Variants in RAB27A observed in about 807,000 individuals in gnomAD.
RAB27A encodes the protein ras-related protein Rab-27A.
In RAB27A, 17 loss-of-function variants were observed where a neutral mutation model predicts 20.8. The ratio of observed to expected loss-of-function variants is 0.82; its 90% CI spans 0.56 to 1.23. The LOEUF (loss-of-function observed/expected upper bound fraction) is 1.23, where lower values mean the gene tolerates loss of function less well. RAB27A is among the 50% of genes most tolerant of loss of function. The pLI, the probability that RAB27A is intolerant of heterozygous loss-of-function variation, is 0.00. For missense variants in RAB27A, 277 were observed against 266.7 expected (o/e 1.04, Z -0.27); for synonymous variants, 85 against 92.8 (o/e 0.92, Z 0.48).
At chr15:55,250,562 A>G (rs754826831) in intron 2 of RAB27A, among the ~76,000 whole-genome samples, 1 of 152,250 alleles carries the variant, frequency 6.6e-6, no homozygotes, top group Admixed American at 6.5e-5. Flanking sequence ...GCTCAGGCAC[A>G]TGTTTCAGCA....
chr15:55,219,183 T>C (rs1378167277), intron 6 of RAB27A, among the ~76,000 whole-genome samples: 2 of 152,188 alleles, frequency 1.3e-5, no homozygotes, highest in Non-Finnish European at 2.9e-5. Context: ...AGTGAAGCCC[T>C]TGTCTGCTCA....
chr15:55,265,373 A>G (rs1236913301), intron 2 of RAB27A, among the ~76,000 whole-genome samples: 1 of 152,074 alleles, frequency 6.6e-6, no homozygotes, highest in African/African-American at 2.4e-5. Flanking sequence ...AATCAGAAAA[A>G]CTTCACACAG....
At position 55,241,148 on chromosome 15, in the gene RAB27A, G is replaced by A. The variant is rs186069083; in HGVS notation, c.-22-6192C>T. On this transcript the variant is annotated intron_variant, in intron 2 of 6. Transcript: ENST00000336787. The stretch of plus-strand genomic sequence containing the variant: ...TCCTAGAAGTATAAGAAAGTACATT[G>A]AGCCCCTAAACCAAAAATTAATTTT... Among the ~76,000 whole-genome samples the A allele has an allele frequency of 3.3e-5, 5 of 152,214 alleles. No homozygotes were observed. The East Asian group carries it at 7.7e-4, about 23-fold the overall frequency.
intron 1 of RAB27A, chr15:55,270,854 C>G (rs1195037318): frequency 6.6e-6 from 1 of 152,210 alleles, no homozygotes; most frequent in Non-Finnish European, 1.5e-5. Context: ...ATGTCCCGTA[C>G]TCACCTCCTT....
At position 55,262,267 on chromosome 15, in the gene RAB27A, C is replaced by T. The variant is rs569687065; in HGVS notation, c.-23+7898G>A. On this transcript the variant is annotated intron_variant, in intron 2 of 6. Transcript: ENST00000336787. ...GTCTAATTATAAAAAGTCGGCCAGG[C>T]GCGGTGGCTCATGCATGTAATCCTA... Among the ~76,000 whole-genome samples, 7 of 152,148 alleles carry T rather than the reference C, an allele frequency of 4.6e-5. No individual in the cohort carries two copies. The South Asian group carries it at 8.3e-4, about 18-fold the overall frequency.
At chr15:55,271,975 CTCTT>C (rs1037358021) in intron 1 of RAB27A, among the ~76,000 whole-genome samples, 74 of 152,186 alleles carry the variant, frequency 4.9e-4, no homozygotes, top group African/African-American at 1.6e-3. Context: ...GAAAATGCAC[CTCTT>C]TCTTTTTTAT....
At chr15:55,207,890 C>G (rs1894728495) in intron 6 of RAB27A, among the ~76,000 whole-genome samples, 1 of 152,130 alleles carries the variant, frequency 6.6e-6, no homozygotes, top group Non-Finnish European at 1.5e-5. Context: ...CTCCTGACCT[C>G]AAGTGATCTG....
chr15:55,207,899 T>G (rs1894729202), intron 6 of RAB27A, among the ~76,000 whole-genome samples: 1 of 152,132 alleles, frequency 6.6e-6, no homozygotes, highest in Non-Finnish European at 1.5e-5. Flanking sequence ...TCAAGTGATC[T>G]GTCTGCCTCC....
chr15:55,246,721 G>A (rs906568799), intron 2 of RAB27A, among the ~76,000 whole-genome samples: 10 of 151,566 alleles, frequency 6.6e-5, no homozygotes, highest in Non-Finnish European at 1.0e-4. Flanking sequence ...ATAATGTGAC[G>A]GCAGTCTCAG....
intron 4 of RAB27A, among the ~76,000 whole-genome samples, chr15:55,228,957 C>A (rs950156449): frequency 6.6e-6 from 1 of 152,124 alleles, no homozygotes; most frequent in South Asian, 2.1e-4. Flanking sequence ...TTAGTCTCAC[C>A]CAAGAATTTA....
At chr15:55,245,647 A>G (rs1299619182) in intron 2 of RAB27A, among the ~76,000 whole-genome samples, 1 of 152,224 alleles carries the variant, frequency 6.6e-6, no homozygotes, top group Non-Finnish European at 1.5e-5. Flanking sequence ...CTTAAGTTCT[A>G]TAGCATTTGG....
intron 2 of RAB27A, among the ~76,000 whole-genome samples, chr15:55,299,180 G>C (rs1397368764): frequency 1.3e-5 from 2 of 152,224 alleles, no homozygotes; most frequent in African/African-American, 4.8e-5. Flanking sequence ...TTGCAGTAAA[G>C]ACAGGCACAA....
intron 6 of RAB27A, among the ~76,000 whole-genome samples, chr15:55,210,064 G>GTGTGTACATATACATATATACACATATA (rs1894911051): frequency 7.4e-6 from 1 of 134,856 alleles, no homozygotes; most frequent in Non-Finnish European, 1.6e-5. Flanking sequence ...ACACATATGT[G>GTGTGTACATATACATATATACACATATA]TGTGTACATA....
intron 2 of RAB27A, among the ~76,000 whole-genome samples, chr15:55,298,759 G>A (rs990077026): frequency 2.6e-5 from 4 of 152,132 alleles, no homozygotes; most frequent in Admixed American, 1.3e-4. Flanking sequence ...CACCCAGGGG[G>A]GCCGTCTATA....
At chr15:55,236,241 A>T (rs1432429756) in intron 2 of RAB27A, among the ~76,000 whole-genome samples, 1 of 152,050 alleles carries the variant, frequency 6.6e-6, no homozygotes, top group Non-Finnish European at 1.5e-5. Flanking sequence ...ACATCTAGGC[A>T]ATTTCATTTA....
At chr15:55,291,164 C>G (rs1156458589), upstream of RAB27A, among the ~76,000 whole-genome samples, 1 of 152,132 alleles carries the variant, frequency 6.6e-6, no homozygotes, top group Non-Finnish European at 1.5e-5. Context: ...AGGTTGATAA[C>G]TTCAAGAGCT....
At chr15:55,316,039 C>G (rs945542042) in intron 1 of RAB27A, among the ~76,000 whole-genome samples, 3 of 152,128 alleles carry the variant, frequency 2.0e-5, no homozygotes, top group Non-Finnish European at 4.4e-5. Flanking sequence ...TGAAACCATT[C>G]TGGCCAAAAT....
rs767551077 is a variant in RAB27A, at chr15:55,215,665, A to AT, written c.467+8223_467+8224insA. On this transcript the variant is annotated intron_variant, in intron 6 of 6. Coordinates refer to ENST00000336787, the MANE Select transcript of RAB27A (RefSeq NM_183235.3). The stretch of plus-strand genomic sequence containing the variant: ...AGACTCCGTCTCAAAAAAAAAAAAA[A>AT]GAGTCATAACCTCAGGTCGGGCGCG... 1.2e-3 allele frequency among the ~76,000 whole-genome samples: 169 copies of AT among 139,632 alleles called. 2 individuals carry two copies. The East Asian group carries it at 0.025, about 20-fold the overall frequency. 91.6% of individuals were successfully genotyped at this position (139,632 alleles called of 152,430 possible).
intron 6 of RAB27A, among the ~76,000 whole-genome samples, chr15:55,219,326 G>A (rs969404004): frequency 1.3e-5 from 2 of 152,174 alleles, no homozygotes; most frequent in African/African-American, 2.4e-5. Context: ...AAGTCATTGA[G>A]CATATTTCAC....
Sources: gnomAD v4.1 joint callset for allele counts (sites outside exome capture counted in the v4.1 genomes callset) on GRCh38, gnomAD v4.1.1 for gene constraint, MANE v1.5 for transcripts, NCBI Gene and HGNC (gene_info 2026-07-23, HGNC 2026-07-21) for gene names.